Variants in ZSCAN5A observed in about 807,000 individuals in gnomAD.
ZSCAN5A encodes the protein zinc finger and SCAN domain containing 5A, also known as zinc finger and SCAN domain-containing protein 5A.
Under a neutral mutation model 23.7 loss-of-function variants are expected in ZSCAN5A, and 12 were observed. That is an observed-to-expected ratio of 0.51 (90% CI 0.32 to 0.82). ZSCAN5A has a LOEUF of 0.82. Among genes scored for constraint, ZSCAN5A ranks in the 40% least tolerant of loss-of-function variants. ZSCAN5A has a pLI of 0.03. For synonymous variants in ZSCAN5A, 257 were observed against 239.9 expected (o/e 1.07, Z -0.66); for missense variants, 597 against 617.9 (o/e 0.97, Z 0.36).
At chr19:56,253,419 A>G (rs2036490069) in intron 2 of ZSCAN5A, among the ~76,000 whole-genome samples, 1 of 152,168 alleles carries the variant, frequency 6.6e-6, no homozygotes, top group Non-Finnish European at 1.5e-5. Context: ...GAACACCTGA[A>G]ATGGAAGTAG....
chr19:56,243,289 C>G (rs985603944), intron 2 of ZSCAN5A, among the ~76,000 whole-genome samples: 11 of 152,112 alleles, frequency 7.2e-5, no homozygotes, highest in Non-Finnish European at 1.3e-4. Flanking sequence ...TGGAGCTAGA[C>G]AGTGGTGATG....
intron 2 of ZSCAN5A, among the ~76,000 whole-genome samples, chr19:56,255,321 T>C (rs1333425382): frequency 6.6e-6 from 1 of 152,154 alleles, no homozygotes; most frequent in Non-Finnish European, 1.5e-5. Context: ...AATAGCCGGC[T>C]GAGCGCACAA....
At chr19:56,345,061 C>T (rs1222933122) in intron 2 of ZSCAN5A, among the ~76,000 whole-genome samples, 1 of 151,572 alleles carries the variant, frequency 6.6e-6, no homozygotes. Flanking sequence ...GCAGAGAACA[C>T]GCCACTACAA....
chr19:56,343,038 A>G (rs1336891019), intron 2 of ZSCAN5A: 3 of 811,396 alleles, frequency 3.7e-6, no homozygotes, highest in South Asian at 1.3e-5. Flanking sequence ...TCTTTCCCCC[A>G]GAACTGTCAG....
chr19:56,238,786 C>A (rs1006658498), intron 2 of ZSCAN5A, among the ~76,000 whole-genome samples: 2 of 147,352 alleles, frequency 1.4e-5, no homozygotes, highest in Admixed American at 1.3e-4. Flanking sequence ...GTGAAAATGA[C>A]CACACTATTA....
At chr19:56,364,161 G>GA (rs1442240194) in intron 1 of ZSCAN5A, among the ~76,000 whole-genome samples, 3 of 152,052 alleles carry the variant, frequency 2.0e-5, no homozygotes, top group Admixed American at 6.6e-5. Context: ...TTCTGGGCAG[G>GA]AAAAAAATCC....
At chr19:56,366,421 TCAAAAA>T (rs2041765791) in intron 1 of ZSCAN5A, among the ~76,000 whole-genome samples, 1 of 85,896 alleles carries the variant, frequency 1.2e-5, no homozygotes. Flanking sequence ...AGACTCTGTC[TCAAAAA>T]AAAAAAAAAA....
chr19:56,260,075 A>G (rs2037010211), intron 2 of ZSCAN5A, among the ~76,000 whole-genome samples: 1 of 152,198 alleles, frequency 6.6e-6, no homozygotes, highest in Non-Finnish European at 1.5e-5. Context: ...CAAGGAGAAC[A>G]CCACTAACTT....
intron 2 of ZSCAN5A, among the ~76,000 whole-genome samples, chr19:56,350,806 T>C (rs1182962455): frequency 6.6e-6 from 1 of 152,134 alleles, no homozygotes; most frequent in Non-Finnish European, 1.5e-5. Flanking sequence ...TTATATTTTT[T>C]CACCTTAAAT....
At chr19:56,231,573 T>C (rs2034466343) in intron 2 of ZSCAN5A, among the ~76,000 whole-genome samples, 1 of 152,204 alleles carries the variant, frequency 6.6e-6, no homozygotes, top group South Asian at 2.1e-4. Flanking sequence ...CCCCTTGATG[T>C]GCAATCCACA....
chr19:56,322,270 T>C, intron 2 of ZSCAN5A: 6 of 1,142,696 alleles, frequency 5.3e-6, no homozygotes, highest in Non-Finnish European at 8.0e-6. Flanking sequence ...GAGCACCTCC[T>C]TCAACAAGAA....
intron 2 of ZSCAN5A, among the ~76,000 whole-genome samples, chr19:56,289,670 G>C (rs1365932689): frequency 6.6e-6 from 1 of 152,142 alleles, no homozygotes. Flanking sequence ...TTGGAGTGCA[G>C]TAGTGCAATC....
rs978419862 is a variant in ZSCAN5A, at chr19:56,227,953, G to A, written c.-127-2780C>T. ...TATGCCTGTAGTCCCAGCTACTCGGGAGGCGGAGGCGGGCGGATCGCTTGA... is the reference window on the plus strand; with the variant it reads ...TATGCCTGTAGTCCCAGCTACTCGGAAGGCGGAGGCGGGCGGATCGCTTGA... On this transcript the variant is annotated intron_variant, in intron 2 of 5. Transcript: ENST00000683990. Among the ~76,000 whole-genome samples, 8 of 152,062 alleles carry A rather than the reference G, an allele frequency of 5.3e-5. 1 individual carries two copies. Among genetic ancestry groups the A allele is most frequent in the African/African-American group, 1.9e-4 (8 of 41,400 alleles).
At chr19:56,297,457 C>T in intron 2 of ZSCAN5A, 1 of 869,212 alleles carries the variant, frequency 1.2e-6, no homozygotes. Flanking sequence ...CTTTCCTCTT[C>T]CTCCTTCTCT....
chr19:56,320,564 A>G (rs2041364789), intron 2 of ZSCAN5A: 2 of 516,556 alleles, frequency 3.9e-6, no homozygotes, highest in Non-Finnish European at 7.1e-6. Context: ...GTGAGCCGAG[A>G]TCATACCATT....
chr19:56,242,358 T>C (rs2035495430), intron 2 of ZSCAN5A, among the ~76,000 whole-genome samples: 1 of 152,206 alleles, frequency 6.6e-6, no homozygotes, highest in Non-Finnish European at 1.5e-5. Flanking sequence ...AGAGGCACCT[T>C]GCCCACTTCT....
chr19:56,329,128 C>T (rs1285485037), intron 2 of ZSCAN5A, among the ~76,000 whole-genome samples: 5 of 152,064 alleles, frequency 3.3e-5, no homozygotes, highest in Non-Finnish European at 7.4e-5. Flanking sequence ...GTGGATGGAT[C>T]AGTTGAGGCC....
chr19:56,288,183 A>C (rs2039265898), intron 2 of ZSCAN5A, among the ~76,000 whole-genome samples: 1 of 152,094 alleles, frequency 6.6e-6, no homozygotes. Flanking sequence ...GGTCTGCCTC[A>C]CTGAGCTCCA....
intron 2 of ZSCAN5A, chr19:56,285,026 T>G (rs2038999922): frequency 1.0e-6 from 1 of 985,208 alleles, no homozygotes; most frequent in Non-Finnish European, 1.2e-6. Flanking sequence ...CACCGGATGG[T>G]AAGTGTCAGG....
Sources: gnomAD v4.1 joint callset for allele counts (sites outside exome capture counted in the v4.1 genomes callset) on GRCh38, gnomAD v4.1.1 for gene constraint, MANE v1.5 for transcripts, NCBI Gene and HGNC (gene_info 2026-07-23, HGNC 2026-07-21) for gene names.